Variants in ELP4 observed in about 807,000 individuals in gnomAD.
ELP4 encodes the protein elongator acetyltransferase complex subunit 4, also known as elongator complex protein 4.
ELP4 carries 51 observed loss-of-function variants against 48.9 expected under a neutral mutation model. The ratio of observed to expected loss-of-function variants is 1.04; its 90% confidence interval spans 0.83 to 1.32. The LOEUF (loss-of-function observed/expected upper bound fraction) is 1.32. Ranked by LOEUF, ELP4 falls within the 40% of genes most tolerant of loss-of-function variation. ELP4 has a pLI of 0.00. For missense variants in ELP4, 519 were observed against 514.6 expected, an observed-to-expected ratio of 1.01 and a Z score of -0.08; for synonymous variants, 210 against 189.2, an observed-to-expected ratio of 1.11 and a Z score of -0.90.
At chr11:31,512,214 C>T (rs1339368804) in intron 1 of ELP4, 3 of 151,984 alleles carry the variant, frequency 2.0e-5, no homozygotes, top group African/African-American at 7.2e-5. Flanking sequence ...GGTGTTAGAA[C>T]GGTAAAACTA....
intron 9 of ELP4, among the ~76,000 whole-genome samples, chr11:31,751,142 A>G (rs1020528849): frequency 1.3e-5 from 2 of 152,170 alleles, no homozygotes; most frequent in African/African-American, 4.8e-5. Flanking sequence ...TCTCAACTCA[A>G]ATTAATATGT....
chr11:31,567,834 T>C (rs758516764), intron 3 of ELP4, among the ~76,000 whole-genome samples: 7 of 152,202 alleles, frequency 4.6e-5, no homozygotes, highest in Non-Finnish European at 1.0e-4. Flanking sequence ...TGGTAACAGT[T>C]ATATGAGCCT....
intron 9 of ELP4, chr11:31,653,077 CT>C: frequency 6.6e-6 from 1 of 151,732 alleles, no homozygotes; most frequent in East Asian, 1.9e-4. Flanking sequence ...ATATTTCTTC[CT>C]TCTCAGAGTA....
chr11:31,567,199 C>T (rs1957127230), intron 3 of ELP4, among the ~76,000 whole-genome samples: 1 of 152,024 alleles, frequency 6.6e-6, no homozygotes, highest in Admixed American at 6.6e-5. Context: ...TCCCAAAGTG[C>T]TGGGATTACA....
chr11:31,611,735 C>A (rs530881447), intron 5 of ELP4, among the ~76,000 whole-genome samples: 1 of 152,206 alleles, frequency 6.6e-6, no homozygotes, highest in East Asian at 1.9e-4. Flanking sequence ...ACAAAGCAGA[C>A]GTTAACCTTG....
chr11:31,711,915 A>G (rs533960115), intron 9 of ELP4, among the ~76,000 whole-genome samples: 2 of 152,260 alleles, frequency 1.3e-5, no homozygotes, highest in Non-Finnish European at 2.9e-5. Context: ...CTAAAGATGC[A>G]TAGTGCTAGA....
rs758082433 is a variant in ELP4 at position 31,763,435 on chromosome 11, CAA to C, written c.1144-19957_1144-19956del. On this transcript the variant is annotated intron_variant, in intron 9 of 9. Transcript: ENST00000640961. ...GTGGGTGCAAGACAACTACTTGAGA[CAA>C]GAGAGGAACATTTATCCTCCAGGCT... 114 of 1,608,392 alleles carry C rather than the reference CAA, an allele frequency of 7.1e-5. No homozygotes were observed. In the African/African-American group the frequency reaches 1.0e-3, roughly 15 times the overall value.
At chr11:31,770,393 C>G (rs1023844861) in intron 9 of ELP4, among the ~76,000 whole-genome samples, 20 of 152,012 alleles carry the variant, frequency 1.3e-4, no homozygotes, top group Admixed American at 5.2e-4. Context: ...TCCTTTATCC[C>G]AGACATGATG....
chr11:31,674,196 G>A (rs1427408463), intron 9 of ELP4, among the ~76,000 whole-genome samples: 2 of 152,118 alleles, frequency 1.3e-5, no homozygotes, highest in Non-Finnish European at 2.9e-5. Flanking sequence ...AATCTGTGTG[G>A]AATCTCTTGA....
intron 9 of ELP4, among the ~76,000 whole-genome samples, chr11:31,712,094 G>C (rs1276673402): frequency 6.6e-6 from 1 of 151,630 alleles, no homozygotes; most frequent in Non-Finnish European, 1.5e-5. Context: ...CCAATACCTA[G>C]GTCTAGTTAC....
intron 2 of ELP4, 102 bp downstream of exon 2, chr11:31,520,193 C>A: frequency 1.0e-6 from 1 of 953,270 alleles, no homozygotes; most frequent in Non-Finnish European, 1.6e-6. Flanking sequence ...ATCACTAACA[C>A]GACAGAAGTT....
intron 2 of ELP4, among the ~76,000 whole-genome samples, chr11:31,530,870 T>A (rs1956385665): frequency 6.6e-6 from 1 of 152,192 alleles, no homozygotes; most frequent in Admixed American, 6.5e-5. Context: ...TATATTATCA[T>A]CAGGTTGGTT....
Position 31,535,643 on chromosome 11 carries a change from G to C in ELP4, c.260-4019G>C, listed in dbSNP as rs527891281. Among the ~76,000 whole-genome samples the C allele has an allele frequency of 2.6e-5, 4 of 152,296 alleles. No homozygotes were observed. The East Asian group carries it at 7.7e-4, about 29-fold the overall frequency. ...TTACAGAAGCGAGTGACTGTGCCAA[G>C]CACATTTACTTATTTTAGTGACTTT... is the stretch of plus-strand genomic sequence containing the variant. On this transcript the variant is annotated intron_variant, in intron 2 of 9. Transcript: ENST00000640961.
chr11:31,566,651 T>C (rs1019203583), intron 3 of ELP4, among the ~76,000 whole-genome samples: 22 of 152,294 alleles, frequency 1.4e-4, no homozygotes, highest in African/African-American at 5.1e-4. Flanking sequence ...TAAGGGCATT[T>C]GCATCTGCTT....
At chr11:31,674,613 C>G (rs973879393) in intron 9 of ELP4, among the ~76,000 whole-genome samples, 78 of 152,148 alleles carry the variant, frequency 5.1e-4, no homozygotes, top group Non-Finnish European at 8.8e-5. Flanking sequence ...AAAAGAGTTA[C>G]CATTTTAGTT....
At chr11:31,727,818 A>T (rs948092270) in intron 9 of ELP4, 3 of 152,234 alleles carry the variant, frequency 2.0e-5, no homozygotes, top group Admixed American at 2.0e-4. Context: ...TGACAGAAAG[A>T]GCATGTATCT....
At chr11:31,646,357 A>T (rs1212402361) in intron 7 of ELP4, 4 of 151,812 alleles carry the variant, frequency 2.6e-5, no homozygotes, top group Non-Finnish European at 5.9e-5. Flanking sequence ...TATAACACAC[A>T]TTCCAACTTA....
At chr11:31,656,542 T>C (rs1945437989) in intron 9 of ELP4, among the ~76,000 whole-genome samples, 1 of 152,082 alleles carries the variant, frequency 6.6e-6, no homozygotes, top group Non-Finnish European at 1.5e-5. Flanking sequence ...ATAAAAATCT[T>C]CATTTTATAA....
intron 3 of ELP4, among the ~76,000 whole-genome samples, chr11:31,565,507 G>C (rs1326102056): frequency 6.8e-6 from 1 of 147,956 alleles, no homozygotes; most frequent in East Asian, 1.9e-4. Context: ...ATGGTTTTCG[G>C]TCTAACATTT....
Sources: allele counts gnomAD v4.1 joint callset (sites outside exome capture counted in the v4.1 genomes callset), GRCh38; gene constraint gnomAD v4.1.1; transcripts MANE v1.5; gene names NCBI Gene and HGNC (gene_info 2026-07-23, HGNC 2026-07-21).